Variants in SHBG observed in about 807,000 individuals in gnomAD.
The protein encoded by SHBG is sex hormone binding globulin.
Under a neutral mutation model 41.9 loss-of-function variants are expected in SHBG, and 37 were observed. The observed-to-expected ratio is 0.88, with a 90% CI of 0.68 to 1.16. SHBG has a LOEUF of 1.16. SHBG is among the 50% of genes most tolerant of loss of function. The pLI, the probability that SHBG is intolerant of heterozygous loss-of-function variation, is 0.00. For synonymous variants in SHBG, 217 were observed against 205.8 expected, an observed-to-expected ratio of 1.05 and a Z score of -0.47; for missense variants, 466 against 499.9, an observed-to-expected ratio of 0.93 and a Z score of 0.65.
rs767086530 is a variant in SHBG at position 7,632,761 on chromosome 17, T to C, written c.862T>C (p.Leu288=). The C allele has an allele frequency of 1.2e-6, 2 of 1,612,760 alleles. No individual in the cohort carries two copies. The highest frequency in any genetic ancestry group is 1.3e-5 in the African/African-American group (1 of 75,020). The change falls in exon 7 of 8, where the codon TTG becomes CTG. Residue 288 remains leucine, a synonymous_variant. Transcript: ENST00000380450. Reference sequence around the variant, plus strand: ...CCCACACACTCTGCAGAAGGTGGTGTTGTCTTCTGGGTCGGGGCCAGGGCT... The same window carrying C: ...CCCACACACTCTGCAGAAGGTGGTGCTGTCTTCTGGGTCGGGGCCAGGGCT... The part of the protein sequence containing the change: ...SLHLQDQKVV[L]SSGSGPGLDL...
chr17:7,630,196 T>A lies in SHBG; in HGVS notation c.24T>A (p.Ala8=), dbSNP rs544080708. 3.7e-6 allele frequency: 6 copies of A among 1,613,964 alleles called. No homozygotes were observed. In the African/African-American group the frequency reaches 8.0e-5, roughly 22 times the overall value. ...TTATGGAGAGCAGAGGCCCACTGGC[T>A]ACCTCGCGCCTGCTGCTGTTGCTGC... MESRGPL[A]TSRLLLLLLL... Residue 8 remains alanine (A), a synonymous_variant, in exon 1 of 8, where the codon GCT becomes GCA. Coordinates refer to ENST00000380450, the MANE Select transcript of SHBG (RefSeq NM_001040.5). This position sits in a 1 kb window ranked among gnomAD's most constrained non-coding sequence, Gnocchi z 4.6.
At chr17:7,616,603 C>T (rs2071996048) in intron 1 of SHBG, among the ~76,000 whole-genome samples, 1 of 149,952 alleles carries the variant, frequency 6.7e-6, no homozygotes, top group Non-Finnish European at 1.5e-5. Flanking sequence ...CCAGCTGGGG[C>T]GACAGAGCGA....
In SHBG at chr17:7,631,938, G is replaced by A. The variant is rs747749559; in HGVS notation, c.775G>A (p.Ala259Thr). 1.9e-6 allele frequency: 3 copies of A among 1,613,936 alleles called. No homozygotes were observed. Among genetic ancestry groups the A allele is most frequent in the Admixed American group, 1.7e-5 (1 of 59,980 alleles). The change falls in exon 6 of 8, where the codon GCA becomes ACA. Residue 259 changes from alanine to threonine, a missense_variant. By Grantham distance (58) the Ala-to-Thr change is moderately conservative. Transcript: ENST00000380450. ...CTCTTTGGACCTGGGACTCAAGCAG[G>A]CAGCAGGCTCAGGCCACCTCCTTGC... ...AFSLDLGLKQ[A>T]AGSGHLLALG...
upstream of SHBG, chr17:7,627,724 G>C: frequency 6.9e-7 from 1 of 1,456,014 alleles, no homozygotes; most frequent in Non-Finnish European, 9.6e-7. The surrounding 1 kb of genome is among the most constrained non-coding windows in gnomAD (Gnocchi z 4.8). Flanking sequence ...GGATCCTGAA[G>C]AGCCTGAGAG....
At chr17:7,624,201 C>G (rs936544291), upstream of SHBG, among the ~76,000 whole-genome samples, 1 of 152,018 alleles carries the variant, frequency 6.6e-6, no homozygotes, top group Non-Finnish European at 1.5e-5. Flanking sequence ...ATCCACCCGC[C>G]TTGGCCTCCC....
chr17:7,630,478 C>T lies in SHBG; in HGVS notation c.174C>T (p.Val58=), dbSNP rs1433739439. The change falls in exon 2 of 8, where the codon GTC becomes GTT. Residue 58 remains valine (V), a synonymous_variant. Transcript: ENST00000380450. The surrounding 1 kb of genome is among the most constrained non-coding windows in gnomAD (Gnocchi z 4.6). ...SNGPGQEPIA[V]MTFDLTKITK... ...GCCCAGGACAAGAGCCTATCGCTGTCATGACCTTTGACCTCACCAAGATCA... is the reference window on the plus strand; with the variant it reads ...GCCCAGGACAAGAGCCTATCGCTGTTATGACCTTTGACCTCACCAAGATCA... The T allele has an allele frequency of 6.2e-7, 1 of 1,614,164 alleles. No individual in the cohort carries two copies. Among genetic ancestry groups the T allele is most frequent in the Admixed American group, 1.7e-5 (1 of 60,010 alleles).
chr17:7,627,845 T>G (rs1446827775), upstream of SHBG: 1 of 657,728 alleles, frequency 1.5e-6, no homozygotes, highest in Non-Finnish European at 2.8e-6. This position sits in a 1 kb window ranked among gnomAD's most constrained non-coding sequence, Gnocchi z 4.8. Flanking sequence ...GGCGATCCTC[T>G]GTCCGGGCAT....
At chr17:7,624,094 G>A (rs1173361753), upstream of SHBG, among the ~76,000 whole-genome samples, 1 of 151,786 alleles carries the variant, frequency 6.6e-6, no homozygotes, top group Admixed American at 6.6e-5. Flanking sequence ...TGGGATTACA[G>A]GCTTGCACCA....
chr17:7,627,695 T>C, upstream of SHBG: 1 of 1,585,944 alleles, frequency 6.3e-7, no homozygotes, highest in South Asian at 1.1e-5. This position sits in a 1 kb window ranked among gnomAD's most constrained non-coding sequence, Gnocchi z 4.8. Context: ...ACTAGACCCC[T>C]TAAAGGGCCT....
chr17:7,618,329 T>G (rs951389791), intron 1 of SHBG, among the ~76,000 whole-genome samples: 11 of 151,924 alleles, frequency 7.2e-5, no homozygotes, highest in African/African-American at 2.7e-4. Flanking sequence ...TGGAGTGCAG[T>G]GGTATGATCT....
chr17:7,621,443 A>T (rs1309215645), intron 1 of SHBG, among the ~76,000 whole-genome samples: 2 of 136,144 alleles, frequency 1.5e-5, no homozygotes, highest in East Asian at 2.2e-4. Context: ...CTAAAAAAAA[A>T]TACAAAAATT....
At chr17:7,614,461 G>A in intron 1 of SHBG, 1 of 1,539,798 alleles carries the variant, frequency 6.5e-7, no homozygotes, top group South Asian at 1.2e-5. Flanking sequence ...CCTTGTAGAA[G>A]GCCCCGTTGG....
chr17:7,630,716 A>G lies in SHBG; in HGVS notation c.240A>G (p.Pro80=), dbSNP rs762304200. The change falls in exon 3 of 8, where the codon CCA becomes CCG. Residue 80 remains proline (P), a synonymous_variant. Transcript: ENST00000380450. This position sits in a 1 kb window ranked among gnomAD's most constrained non-coding sequence, Gnocchi z 4.6. ...SSSFEVRTWD[P]EGVIFYGDTN... is the part of the protein sequence containing the mutation. ...CCTTTGAGGTTCGAACCTGGGACCC[A>G]GAGGGAGTGATTTTTTATGGGGATA... 1.6e-5 allele frequency: 26 copies of G among 1,614,006 alleles called. No individual in the cohort carries two copies. The highest frequency in any genetic ancestry group is 1.9e-5 in the Non-Finnish European group (23 of 1,180,032).
chr17:7,627,872 A>C, upstream of SHBG: 1 of 636,588 alleles, frequency 1.6e-6, no homozygotes, highest in East Asian at 2.9e-5. This position sits in a 1 kb window ranked among gnomAD's most constrained non-coding sequence, Gnocchi z 4.8. Flanking sequence ...ACCCCCTCGA[A>C]TTCTGTCGCA....
At position 7,630,410 on chromosome 17, in the gene SHBG, T is replaced by C. The variant is rs928997560; in HGVS notation, c.112-6T>C. On this transcript the variant is annotated splice_polypyrimidine_tract_variant and splice_region_variant and intron_variant, in intron 1 of 7. Transcript: ENST00000380450. The surrounding 1 kb of genome is among the most constrained non-coding windows in gnomAD (Gnocchi z 4.6). Reference sequence around the variant, plus strand: ...CTCAGCTTTGTTTGTTTTCTCTTTCTGATAGAGTGCCCACGACCCTCCGGC... The same window carrying C: ...CTCAGCTTTGTTTGTTTTCTCTTTCCGATAGAGTGCCCACGACCCTCCGGC... The C allele has an allele frequency of 6.2e-7, 1 of 1,613,674 alleles. No individual in the cohort carries two copies. Among genetic ancestry groups the C allele is most frequent in the Admixed American group, 1.7e-5 (1 of 60,012 alleles).
chr17:7,621,076 C>T (rs1164967612), intron 1 of SHBG, among the ~76,000 whole-genome samples: 1 of 98,960 alleles, frequency 1.0e-5, no homozygotes, highest in Non-Finnish European at 1.8e-5. Flanking sequence ...GCCTGGGCAA[C>T]AGAGCAAGAC....
chr17:7,627,659 A>G, upstream of SHBG: 1 of 1,613,784 alleles, frequency 6.2e-7, no homozygotes, highest in South Asian at 1.1e-5. The surrounding 1 kb of genome is among the most constrained non-coding windows in gnomAD (Gnocchi z 4.8). Context: ...GTCTGGGACC[A>G]AAGTCCCAGG....
At chr17:7,616,068 G>A (rs1323060085) in intron 1 of SHBG, among the ~76,000 whole-genome samples, 2 of 151,476 alleles carry the variant, frequency 1.3e-5, no homozygotes, top group African/African-American at 4.9e-5. Context: ...TTGGGAGGCC[G>A]AGATCACGGG....
At chr17:7,627,302 G>T, upstream of SHBG, 1 of 1,612,286 alleles carries the variant, frequency 6.2e-7, no homozygotes, top group Non-Finnish European at 8.5e-7. This position sits in a 1 kb window ranked among gnomAD's most constrained non-coding sequence, Gnocchi z 4.8. Context: ...GCTGTCGCCT[G>T]GGGAACCCAT....
Sources: allele counts gnomAD v4.1 joint callset (sites outside exome capture counted in the v4.1 genomes callset), GRCh38; gene constraint gnomAD v4.1.1; non-coding constraint Gnocchi (gnomAD v3.1); transcripts MANE v1.5; gene names NCBI Gene and HGNC (gene_info 2026-07-23, HGNC 2026-07-21).